Variants in LINGO2 observed in about 807,000 individuals in gnomAD.
LINGO2 encodes the protein leucine-rich repeat and immunoglobulin-like domain-containing nogo receptor-interacting protein 2.
Under a neutral mutation model 30.6 loss-of-function variants are expected in LINGO2, and 14 were observed. The ratio of observed to expected loss-of-function variants is 0.46; its 90% CI spans 0.30 to 0.72. LINGO2 has a LOEUF of 0.72. Ranked by LOEUF, LINGO2 falls within the 30% of genes least tolerant of loss-of-function variation. LINGO2 has a pLI of 0.07. For synonymous variants in LINGO2, 317 were observed against 288.5 expected (o/e 1.10, Z -1.00); for missense variants, 729 against 751.7 (o/e 0.97, Z 0.35).
chr9:28,637,361 G>T (rs1170848291), intron 1 of LINGO2, among the ~76,000 whole-genome samples: 1 of 152,146 alleles, frequency 6.6e-6, no homozygotes, highest in East Asian at 1.9e-4. Flanking sequence ...TGTGAAAAAA[G>T]TCATTGATAA....
the LINGO2 span, among the ~76,000 whole-genome samples, chr9:29,011,846 C>G: frequency 6.6e-6 from 1 of 152,160 alleles, no homozygotes; most frequent in Non-Finnish European, 1.5e-5. Flanking sequence ...TAGTCATCAT[C>G]TATTTATTAG....
chr9:27,962,861 T>A (rs1819915171), intron 5 of LINGO2, among the ~76,000 whole-genome samples: 1 of 152,172 alleles, frequency 6.6e-6, no homozygotes, highest in African/African-American at 2.4e-5. Flanking sequence ...TTTCCATTAA[T>A]TCTGATCAAA....
chr9:28,314,035 C>T (rs1367501666), intron 3 of LINGO2, among the ~76,000 whole-genome samples: 4 of 152,238 alleles, frequency 2.6e-5, no homozygotes, highest in South Asian at 4.1e-4. Flanking sequence ...GCGGGGTTCC[C>T]GCCATTCTCC....
chr9:28,692,926 A>G, the LINGO2 span, among the ~76,000 whole-genome samples: 2 of 152,172 alleles, frequency 1.3e-5, no homozygotes, highest in Non-Finnish European at 2.9e-5. Flanking sequence ...GTAGAGGAAA[A>G]GACTACTTGC....
At chr9:28,271,683 T>C (rs773119050) in intron 4 of LINGO2, among the ~76,000 whole-genome samples, 1 of 152,174 alleles carries the variant, frequency 6.6e-6, no homozygotes, top group South Asian at 2.1e-4. Context: ...AAAGCCTTCA[T>C]GTGGTATTCT....
At chr9:28,673,806 G>C (rs186817779), upstream of LINGO2, among the ~76,000 whole-genome samples, 74 of 152,052 alleles carry the variant, frequency 4.9e-4, no homozygotes, top group African/African-American at 1.7e-3. Context: ...GAACAAAAAC[G>C]TAAGAAGCAA....
the LINGO2 span, among the ~76,000 whole-genome samples, chr9:28,782,778 TAC>T: frequency 1.3e-5 from 2 of 152,198 alleles, no homozygotes; most frequent in Non-Finnish European, 2.9e-5. Flanking sequence ...CTTTAGAAAG[TAC>T]AGTCATGCAT....
At chr9:28,374,228 A>ATATATATATATATATATATG (rs1554713032) in intron 2 of LINGO2, among the ~76,000 whole-genome samples, 1 of 146,982 alleles carries the variant, frequency 6.8e-6, no homozygotes. Context: ...ATATATATAT[A>ATATATATATATATATATATG]TATGTAATAT....
intron 1 of LINGO2, among the ~76,000 whole-genome samples, chr9:28,544,133 G>A (rs1320803566): frequency 6.6e-6 from 1 of 151,892 alleles, no homozygotes; most frequent in East Asian, 1.9e-4. Flanking sequence ...AACCCGGAAG[G>A]CAGAGGTTGC....
At chr9:28,684,589 A>C in the LINGO2 span, among the ~76,000 whole-genome samples, 3 of 146,018 alleles carry the variant, frequency 2.1e-5, no homozygotes, top group Non-Finnish European at 4.5e-5. Flanking sequence ...GGTTCAAGTG[A>C]TTCTCTGCAA....
rs1456480558 is a variant in LINGO2, at chr9:28,329,791, T to TTAGA, written c.-245-34429_-245-34426dup. The stretch of plus-strand genomic sequence containing the variant: ...CAGACCATCCTGACCCCACCCTGAA[T>TTAGA]TAGATAGCCATCCTCTGGGGTTTTA... On this transcript the variant is annotated intron_variant, in intron 3 of 5. Transcript: ENST00000379992. The surrounding 1 kb of genome is among the most constrained non-coding windows in gnomAD (Gnocchi z 4.5). 6.6e-6 allele frequency among the ~76,000 whole-genome samples: 1 copy of TTAGA among 152,138 alleles called. No homozygotes were observed. The highest frequency in any genetic ancestry group is 1.5e-5 in the Non-Finnish European group (1 of 68,018).
At chr9:28,910,908 GA>G in the LINGO2 span, among the ~76,000 whole-genome samples, 1 of 151,994 alleles carries the variant, frequency 6.6e-6, no homozygotes, top group Non-Finnish European at 1.5e-5. Context: ...TTTGTTGTTT[GA>G]AAAATGGATA....
intron 3 of LINGO2, among the ~76,000 whole-genome samples, chr9:28,352,485 C>A: frequency 1.1e-5 from 1 of 88,282 alleles, no homozygotes; most frequent in Non-Finnish European, 2.3e-5. Context: ...CAAACCACTG[C>A]TCAAGGAAAT....
chr9:29,161,315 G>A, the LINGO2 span, among the ~76,000 whole-genome samples: 1 of 152,142 alleles, frequency 6.6e-6, no homozygotes, highest in East Asian at 1.9e-4. Context: ...ACAGCCCCTG[G>A]GTGTTCTTTC....
intron 4 of LINGO2, among the ~76,000 whole-genome samples, chr9:28,180,749 T>A (rs925607879): frequency 6.6e-6 from 1 of 152,122 alleles, no homozygotes; most frequent in Non-Finnish European, 1.5e-5. Context: ...AATATCATTT[T>A]TAAAAATGTC....
the LINGO2 span, among the ~76,000 whole-genome samples, chr9:28,731,664 A>C: frequency 6.6e-6 from 1 of 152,144 alleles, no homozygotes; most frequent in Non-Finnish European, 1.5e-5. Flanking sequence ...TTTGTTGACT[A>C]TGATGGCAGA....
the LINGO2 span, among the ~76,000 whole-genome samples, chr9:28,720,852 C>T: frequency 6.6e-6 from 1 of 151,882 alleles, no homozygotes; most frequent in African/African-American, 2.4e-5. Context: ...GCAATATAAT[C>T]TGTCTTCATT....
the LINGO2 span, among the ~76,000 whole-genome samples, chr9:28,759,479 G>A: frequency 6.6e-6 from 1 of 151,740 alleles, no homozygotes; most frequent in East Asian, 1.9e-4. Flanking sequence ...TCAGGAGATC[G>A]AGACCATCCT....
At chr9:28,937,028 G>A in the LINGO2 span, among the ~76,000 whole-genome samples, 92 of 152,208 alleles carry the variant, frequency 6.0e-4, 1 homozygote, top group African/African-American at 2.0e-3. Flanking sequence ...TGGATTAACA[G>A]TATTGGCTCT....
Sources: allele counts gnomAD v4.1 joint callset (sites outside exome capture counted in the v4.1 genomes callset), GRCh38; gene constraint gnomAD v4.1.1; non-coding constraint Gnocchi (gnomAD v3.1); transcripts MANE v1.5; gene names NCBI Gene and HGNC (gene_info 2026-07-23, HGNC 2026-07-21).